Variants in ITGB1BP1 observed in about 807,000 individuals in gnomAD.
ITGB1BP1 encodes the protein integrin beta-1-binding protein 1.
Under a neutral mutation model 28.0 loss-of-function variants are expected in ITGB1BP1, and 20 were observed. The observed-to-expected ratio is 0.71, with a 90% CI of 0.50 to 1.04. The LOEUF (loss-of-function observed/expected upper bound fraction) is 1.04. Ranked by LOEUF, ITGB1BP1 falls within the 50% of genes least tolerant of loss-of-function variation. The pLI is 0.00. For synonymous variants in ITGB1BP1, 103 were observed against 89.5 expected, an observed-to-expected ratio of 1.15 and a Z score of -0.85; for missense variants, 228 against 242.5, an observed-to-expected ratio of 0.94 and a Z score of 0.40.
intron 4 of ITGB1BP1, among the ~76,000 whole-genome samples, chr2:9,409,200 C>T (rs780210984): frequency 3.3e-5 from 5 of 152,214 alleles, no homozygotes; most frequent in African/African-American, 4.8e-5. Context: ...TCTTCCCTAA[C>T]GTAAGACGCT....
chr2:9,413,514 G>A (rs1678728207), intron 3 of ITGB1BP1, among the ~76,000 whole-genome samples: 1 of 152,074 alleles, frequency 6.6e-6, no homozygotes, highest in South Asian at 2.1e-4. Flanking sequence ...ATTTTTAGTA[G>A]AGATGGGGTT....
chr2:9,407,845 A>G (rs757226051), intron 5 of ITGB1BP1, among the ~76,000 whole-genome samples: 18 of 149,026 alleles, frequency 1.2e-4, no homozygotes, highest in Admixed American at 3.3e-4. Flanking sequence ...CTCTTAATTG[A>G]TGAGGGGCCC....
chr2:9,406,723 T>C lies in ITGB1BP1; in HGVS notation c.*111A>G. 1 of 776,242 alleles carries C rather than the reference T, an allele frequency of 1.3e-6. No individual in the cohort carries two copies. Among genetic ancestry groups the C allele is most frequent in the Non-Finnish European group, 2.3e-6 (1 of 436,976 alleles). 48.1% of individuals were successfully genotyped at this position (776,242 alleles called of 1,614,324 possible). The stretch of plus-strand genomic sequence containing the variant: ...CAGCATTTTACACAATCCATTTTCT[T>C]CAGAAAATCTAGAGCAAGGGATAAC... On this transcript the variant is annotated 3_prime_UTR_variant, in exon 7 of 7. Transcript: ENST00000355346.
intron 4 of ITGB1BP1, chr2:9,411,925 C>G (rs1678457354): frequency 5.0e-6 from 1 of 200,602 alleles, no homozygotes; most frequent in Non-Finnish European, 1.0e-5. Flanking sequence ...GCCTGTAATC[C>G]CAGCTACTTG....
intron 3 of ITGB1BP1, among the ~76,000 whole-genome samples, chr2:9,413,160 G>C (rs1254300858): frequency 6.6e-6 from 1 of 152,098 alleles, no homozygotes; most frequent in East Asian, 1.9e-4. Context: ...AATTTTAAAG[G>C]CATCTGGCAG....
Position 9,407,987 on chromosome 2 carries a change from C to A in ITGB1BP1, c.381+126G>T. 3 of 642,996 alleles carry A rather than the reference C, an allele frequency of 4.7e-6. No individual in the cohort carries two copies. In the South Asian group the frequency reaches 6.0e-5, roughly 13 times the overall value. 39.8% of individuals were successfully genotyped at this position (642,996 alleles called of 1,614,324 possible). A position where few individuals can be genotyped will look rare whatever the true frequency, so the allele number is the denominator to read the frequency against. ...AGAAATTGGTCACGTTTAAGACCAACTGCCAGGAATGTTTACAAACCAATC... is the reference window on the plus strand; with the variant it reads ...AGAAATTGGTCACGTTTAAGACCAAATGCCAGGAATGTTTACAAACCAATC... On this transcript the variant is annotated intron_variant, in intron 5 of 6. Coordinates refer to ENST00000355346, the MANE Select transcript of ITGB1BP1 (RefSeq NM_004763.5).
intron 1 of ITGB1BP1, chr2:9,423,126 C>T (rs1442548589): frequency 8.9e-6 from 9 of 1,010,254 alleles, no homozygotes; most frequent in Non-Finnish European, 9.5e-6. Flanking sequence ...GCCGCCCCTC[C>T]GGGGCGACAG....
In ITGB1BP1 at chr2:9,418,676, G is replaced by T. The variant is rs1053877887; in HGVS notation, c.22C>A (p.Arg8=). ...CTTTGGGAACTGCTACTACTGTGTC[G>T]TTTTTTGCCCTTGCGAAACATTTTT... MFRKGKK[R]HSSSSSQSSE... Residue 8 remains arginine, a synonymous_variant, in exon 2 of 7, where the codon CGA becomes AGA. Coordinates refer to ENST00000355346, the MANE Select transcript of ITGB1BP1 (RefSeq NM_004763.5). 3 of 1,613,542 alleles carry T rather than the reference G, an allele frequency of 1.9e-6. No individual in the cohort carries two copies. The highest frequency in any genetic ancestry group is 2.5e-6 in the Non-Finnish European group (3 of 1,179,880).
Position 9,406,774 on chromosome 2 carries a change from A to AT in ITGB1BP1, c.*59dup. The AT allele has an allele frequency of 9.3e-7, 1 of 1,074,698 alleles. No homozygotes were observed. Among genetic ancestry groups the AT allele is most frequent in the Admixed American group, 1.7e-5 (1 of 59,312 alleles). 66.6% of individuals were successfully genotyped at this position (1,074,698 alleles called of 1,614,324 possible). The stretch of plus-strand genomic sequence containing the variant: ...TTCATTATTTGCATAACATTTCAGC[A>AT]TTGCAGTTTGAAAACAGCTGAACTT... On this transcript the variant is annotated 3_prime_UTR_variant, in exon 7 of 7. Transcript: ENST00000355346.
At chr2:9,419,225 A>C (rs1462457829) in intron 1 of ITGB1BP1, among the ~76,000 whole-genome samples, 2 of 152,234 alleles carry the variant, frequency 1.3e-5, no homozygotes, top group Non-Finnish European at 2.9e-5. Flanking sequence ...AAAAGGCAGA[A>C]ACCTTCTTGT....
intron 1 of ITGB1BP1, 41 bp from the exon 2 acceptor site, chr2:9,418,773 C>CA: frequency 3.5e-5 from 43 of 1,236,858 alleles, no homozygotes; most frequent in Non-Finnish European, 4.4e-5. Context: ...TCGGGAAAAG[C>CA]AACTTTTTTT....
intron 1 of ITGB1BP1, chr2:9,422,440 G>C (rs551765876): frequency 2.0e-6 from 2 of 985,574 alleles, no homozygotes; most frequent in African/African-American, 3.5e-5. Context: ...GCACCGCCCG[G>C]GACGTCCTTC....
At chr2:9,414,071 G>A in intron 3 of ITGB1BP1, 107 bp downstream of exon 3, 3 of 932,344 alleles carry the variant, frequency 3.2e-6, no homozygotes, top group Non-Finnish European at 5.1e-6. Flanking sequence ...TGGCAAAGGA[G>A]AGGAAGAAAG....
rs190173584 is a variant in ITGB1BP1, at chr2:9,404,543, A to G, written c.*2291T>C. 1 of 152,542 alleles carries G rather than the reference A, an allele frequency of 6.6e-6. No individual in the cohort carries two copies. The allele number at this position is 152,542 out of a possible 1,614,324, so 9.4% of individuals were successfully genotyped here. ...TTTAGTAATTGCGAGGGTAAGATTC[A>G]TAGTAGGAATATTGGAAATTTTGGC... is the stretch of plus-strand genomic sequence containing the variant. On this transcript the variant is annotated 3_prime_UTR_variant, in exon 7 of 7. Transcript: ENST00000355346.
chr2:9,407,032 G>T (rs1677520712), intron 6 of ITGB1BP1, 127 bp from the exon 7 acceptor site: 2 of 726,738 alleles, frequency 2.8e-6, no homozygotes, highest in East Asian at 5.3e-5. Flanking sequence ...ACACATGCCT[G>T]CCTGGGTCAG....
intron 2 of ITGB1BP1, among the ~76,000 whole-genome samples, chr2:9,417,510 C>A (rs1020933158): frequency 1.3e-5 from 2 of 152,056 alleles, no homozygotes; most frequent in Non-Finnish European, 2.9e-5. Flanking sequence ...ACCTTCGACT[C>A]CTGGTTCAAG....
chr2:9,412,741 T>C, intron 3 of ITGB1BP1: 1 of 171,612 alleles, frequency 5.8e-6, no homozygotes, highest in Non-Finnish European at 1.2e-5. Context: ...TTTCTCCCTC[T>C]TCACCATTTT....
chr2:9,414,105 G>C, intron 3 of ITGB1BP1, 73 bp downstream of exon 3: 1 of 1,232,106 alleles, frequency 8.1e-7, no homozygotes, highest in Non-Finnish European at 1.2e-6. Context: ...AGAACTCATT[G>C]TGCTACCCCA....
At chr2:9,422,356 G>C in intron 1 of ITGB1BP1, 1 of 961,342 alleles carries the variant, frequency 1.0e-6, no homozygotes, top group Non-Finnish European at 1.2e-6. Context: ...CCACAACCCG[G>C]GCACAGTTCA....
Sources: gnomAD v4.1 joint callset for allele counts (sites outside exome capture counted in the v4.1 genomes callset) on GRCh38, gnomAD v4.1.1 for gene constraint, MANE v1.5 for transcripts, NCBI Gene and HGNC (gene_info 2026-07-23, HGNC 2026-07-21) for gene names.